SEMA4D: variants seen among roughly 807,000 people sequenced by gnomAD.
SEMA4D encodes semaphorin-4D.
In SEMA4D, 22 loss-of-function variants were observed where a neutral mutation model predicts 74.8. The observed-to-expected ratio is 0.29, with a 90% confidence interval of 0.21 to 0.42. The LOEUF is 0.42. Among genes scored for constraint, SEMA4D ranks in the 10% least tolerant of loss-of-function variants. SEMA4D has a pLI of 1.00. For missense variants in SEMA4D, 937 were observed against 1,118.4 expected (o/e 0.84, Z 2.31); for synonymous variants, 445 against 463.7 (o/e 0.96, Z 0.52).
intron 1 of SEMA4D, among the ~76,000 whole-genome samples, chr9:89,481,380 C>T (rs1043793588): frequency 2.0e-5 from 3 of 152,124 alleles, no homozygotes; most frequent in East Asian, 1.9e-4. Flanking sequence ...CAGGGTGCCA[C>T]GTGGGAGGTC....
At chr9:89,389,142 G>A in intron 9 of SEMA4D, 95 bp from the exon 10 acceptor site, 1 of 1,321,258 alleles carries the variant, frequency 7.6e-7, no homozygotes, top group Non-Finnish European at 1.1e-6. Flanking sequence ...GCCCAGCACA[G>A]CGCGGCTGTG....
intron 2 of SEMA4D, among the ~76,000 whole-genome samples, chr9:89,420,551 A>C (rs548756420): frequency 1.3e-5 from 2 of 152,362 alleles, no homozygotes; most frequent in African/African-American, 4.8e-5. Context: ...GGCCTTGCGA[A>C]CAGGTATTTA....
chr9:89,363,521 GT>G lies in SEMA4D; in HGVS notation c.2098del (p.Thr700ProfsTer23). ...CTCTCTGGTCCACCTCTCCTGGTGG[GT>G]CACTTCTGGAAAACAAGCAGGGTCC... On this transcript the variant is annotated frameshift_variant, in exon 18 of 19. Coordinates refer to the SEMA4D transcript ENST00000339861. LOFTEE classifies it high-confidence loss of function. 6.2e-7 allele frequency: 1 copy of G among 1,614,028 alleles called. No individual in the cohort carries two copies. Among genetic ancestry groups the G allele is most frequent in the Non-Finnish European group, 8.5e-7 (1 of 1,180,008 alleles).
At chr9:89,445,985 C>T (rs62549799) in intron 2 of SEMA4D, among the ~76,000 whole-genome samples, 32,471 of 152,080 alleles carry the variant, frequency 0.21, 3,686 homozygotes, top group Non-Finnish European at 0.25. Context: ...CCCGGACCCC[C>T]TCCCTTCCAG....
chr9:89,488,104 T>C (rs917197561), intron 1 of SEMA4D, among the ~76,000 whole-genome samples: 3 of 152,180 alleles, frequency 2.0e-5, no homozygotes, highest in Non-Finnish European at 1.5e-5. Context: ...AGAGACAGTG[T>C]GATACTGGGA....
In SEMA4D at chr9:89,481,181, C is replaced by A. The variant is rs528716590; in HGVS notation, c.-310+16738G>T. Among the ~76,000 whole-genome samples the A allele has an allele frequency of 1.5e-3, 223 of 152,298 alleles. 1 individual carries two copies. Among genetic ancestry groups the A allele is most frequent in the Non-Finnish European group, 2.4e-3 (160 of 68,020 alleles). ...CAGAAACTGTGAAGCTGAAAAACAC[C>A]ATGTTAGGAATGACAGGGACGTGCC... On this transcript the variant is annotated intron_variant, in intron 1 of 15. Transcript: ENST00000422704.
intron 2 of SEMA4D, among the ~76,000 whole-genome samples, chr9:89,453,903 G>C (rs1284545108): frequency 6.7e-6 from 1 of 148,310 alleles, no homozygotes; most frequent in Non-Finnish European, 1.5e-5. Flanking sequence ...TGTCGCCCAG[G>C]CTGGAGTGCA....
downstream of SEMA4D, among the ~76,000 whole-genome samples, chr9:89,372,640 C>T (rs916858398): frequency 6.6e-6 from 1 of 152,002 alleles, no homozygotes; most frequent in Non-Finnish European, 1.5e-5. Flanking sequence ...CTGCTCCAGG[C>T]CCTGCCGATG....
At chr9:89,395,369 A>T (rs1471573948) in intron 6 of SEMA4D, among the ~76,000 whole-genome samples, 1 of 152,016 alleles carries the variant, frequency 6.6e-6, no homozygotes, top group Non-Finnish European at 1.5e-5. Flanking sequence ...GGTTGCAGTG[A>T]GCCGAGATCG....
chr9:89,403,251 C>A (rs1255029152), intron 3 of SEMA4D, among the ~76,000 whole-genome samples: 2 of 152,194 alleles, frequency 1.3e-5, no homozygotes, highest in Non-Finnish European at 2.9e-5. Flanking sequence ...ACTCACAGCC[C>A]TAGAGCTCAA....
chr9:89,384,690 A>G (rs1396463991), intron 13 of SEMA4D: 1 of 985,436 alleles, frequency 1.0e-6, no homozygotes, highest in Non-Finnish European at 1.2e-6. Context: ...GCTTGTCATC[A>G]GGGGAGAGGA....
chr9:89,422,667 C>T (rs1847229968), intron 2 of SEMA4D, among the ~76,000 whole-genome samples: 3 of 152,318 alleles, frequency 2.0e-5, no homozygotes, highest in East Asian at 3.9e-4. Context: ...TGGGACATTC[C>T]GATCCTTTCC....
intron 1 of SEMA4D, among the ~76,000 whole-genome samples, chr9:89,483,605 T>C (rs538638262): frequency 1.5e-4 from 23 of 152,336 alleles, no homozygotes; most frequent in South Asian, 4.1e-4. Flanking sequence ...TGGGGGTCAG[T>C]AGTTCTCAAT....
At chr9:89,399,852 T>C (rs988098001) in intron 4 of SEMA4D, among the ~76,000 whole-genome samples, 2 of 151,414 alleles carry the variant, frequency 1.3e-5, no homozygotes, top group African/African-American at 2.4e-5. Context: ...ACAAAAATTA[T>C]CTGGGAGTGG....
At chr9:89,449,229 AAAT>A (rs950900392) in intron 2 of SEMA4D, among the ~76,000 whole-genome samples, 12 of 152,338 alleles carry the variant, frequency 7.9e-5, no homozygotes, top group African/African-American at 2.9e-4. Context: ...CAAAAATGCA[AAAT>A]AATAGCACTT....
intron 4 of SEMA4D, among the ~76,000 whole-genome samples, chr9:89,401,444 C>G (rs1007173013): frequency 6.6e-6 from 1 of 152,052 alleles, no homozygotes; most frequent in Non-Finnish European, 1.5e-5. Context: ...GAGATGAAAA[C>G]AAAAAGAGAT....
In SEMA4D at chr9:89,497,725, G is replaced by A. The variant is rs569047414; in HGVS notation, c.-310+194C>T. On this transcript the variant is annotated intron_variant, in intron 1 of 15. Transcript: ENST00000422704. The stretch of plus-strand genomic sequence containing the variant: ...TGGGAGGCGTCCCAGGAGGGGCCCC[G>A]GGGGGATCCAGGAAGGAGTCCAGGG... 2.9e-3 allele frequency among the ~76,000 whole-genome samples: 433 copies of A among 151,342 alleles called. 3 individuals carry two copies. Among genetic ancestry groups the A allele is most frequent in the African/African-American group, 0.01 (417 of 41,434 alleles).
chr9:89,461,742 T>TTG (rs1857313724), intron 1 of SEMA4D, among the ~76,000 whole-genome samples: 1 of 133,684 alleles, frequency 7.5e-6, no homozygotes, highest in Non-Finnish European at 1.6e-5. Flanking sequence ...TCGCTCTCCC[T>TTG]CCCAGGCTGG....
At chr9:89,371,452 G>A (rs1834755328) in intron 16 of SEMA4D, among the ~76,000 whole-genome samples, 1 of 110,496 alleles carries the variant, frequency 9.1e-6, no homozygotes, top group Non-Finnish European at 1.9e-5. Context: ...TGTGGTGTGT[G>A]TCTGGGGTGT....
Sources: allele counts gnomAD v4.1 joint callset (sites outside exome capture counted in the v4.1 genomes callset), GRCh38; gene constraint gnomAD v4.1.1; transcripts MANE v1.5; gene names NCBI Gene and HGNC (gene_info 2026-07-23, HGNC 2026-07-21).